The following NEK1 variants were observed in gnomAD, a reference collection of about 807,000 sequenced individuals.
NEK1 encodes the protein NIMA related kinase 1.
In NEK1, 137 loss-of-function variants were observed where a neutral mutation model predicts 182.1. The ratio of observed to expected loss-of-function variants is 0.75; its 90% CI spans 0.65 to 0.87. NEK1 has a LOEUF of 0.87. Among genes scored for constraint, NEK1 ranks in the 40% least tolerant of loss-of-function variants. The probability of loss-of-function intolerance (pLI) is 0.00; values close to 1 mark genes in which losing one functional copy is unlikely to be tolerated. For synonymous variants in NEK1, 513 were observed against 492.2 expected (o/e 1.04, Z -0.56); for missense variants, 1,391 against 1,494.4 (o/e 0.93, Z 1.14).
chr4:169,607,456 T>C (rs1424566580), intron 2 of NEK1, among the ~76,000 whole-genome samples: 1 of 152,164 alleles, frequency 6.6e-6, no homozygotes, highest in Non-Finnish European at 1.5e-5. Context: ...AATTAAAATT[T>C]TTTTTTAATT....
chr4:169,550,220 A>C (rs1338032676), intron 18 of NEK1, among the ~76,000 whole-genome samples: 1 of 149,106 alleles, frequency 6.7e-6, no homozygotes, highest in Non-Finnish European at 1.5e-5. Context: ...GTTCCCCTAC[A>C]CATGCTCTCT....
In NEK1 at chr4:169,594,215, G is replaced by A. The variant is rs74841281; in HGVS notation, c.313-3406C>T. On this transcript the variant is annotated intron_variant, in intron 5 of 35. Transcript: ENST00000507142. Reference sequence around the variant, plus strand: ...TATGTTATTTTGCATTAGTACAGACGGCCTTATAGCACCAAACAGTACCAC... The same window carrying A: ...TATGTTATTTTGCATTAGTACAGACAGCCTTATAGCACCAAACAGTACCAC... Among the ~76,000 whole-genome samples the A allele has an allele frequency of 1.6e-4, 25 of 152,098 alleles. No homozygotes were observed. The East Asian group carries it at 4.6e-3, about 28-fold the overall frequency.
intron 27 of NEK1, among the ~76,000 whole-genome samples, chr4:169,457,900 T>C (rs1366134097): frequency 2.0e-5 from 3 of 151,804 alleles, no homozygotes; most frequent in Admixed American, 1.3e-4. Flanking sequence ...ACTACAAAAC[T>C]GATGAAAAAA....
rs1476314608 is a variant in NEK1, at chr4:169,393,060, T to A, written c.*1450A>T. On this transcript the variant is annotated 3_prime_UTR_variant, in exon 36 of 36. Coordinates refer to ENST00000507142, the MANE Select transcript of NEK1 (RefSeq NM_001199397.3). Reference sequence around the variant, plus strand: ...TTTTTTCTACCATATTATACCCTTTTCTAATAGTTGTAATAGTTTAAGAAT... The same window carrying A: ...TTTTTTCTACCATATTATACCCTTTACTAATAGTTGTAATAGTTTAAGAAT... 1.3e-5 allele frequency: 2 copies of A among 152,194 alleles called. No individual in the cohort carries two copies. Among genetic ancestry groups the A allele is most frequent in the Non-Finnish European group, 1.5e-5 (1 of 68,030 alleles). 9.4% of individuals were successfully genotyped at this position (152,194 alleles called of 1,614,324 possible). A position where few individuals can be genotyped will look rare whatever the true frequency, so the allele number is the denominator to read the frequency against.
chr4:169,590,815 A>G lies in NEK1; in HGVS notation c.313-6T>C. The stretch of plus-strand genomic sequence containing the variant: ...TGTACAAACCAGTCCAAAATCTAGG[A>G]AGAAAAATCAGATCTGTCAAGCCTC... On this transcript the variant is annotated splice_region_variant and splice_polypyrimidine_tract_variant and intron_variant, in intron 5 of 35. Coordinates refer to ENST00000507142, the MANE Select transcript of NEK1 (RefSeq NM_001199397.3). 1 of 1,571,728 alleles carries G rather than the reference A, an allele frequency of 6.4e-7. No homozygotes were observed. Among genetic ancestry groups the G allele is most frequent in the East Asian group, 2.3e-5 (1 of 44,018 alleles).
rs76945793 is a variant in NEK1, at chr4:169,573,348, T to C, written c.1020+3580A>G. Among the ~76,000 whole-genome samples the C allele has an allele frequency of 3.7e-4, 57 of 152,240 alleles. No individual in the cohort carries two copies. In the East Asian group the frequency reaches 7.1e-3, roughly 19 times the overall value. ...AGGTAAAAAATAATCACCTAGGAAG[T>C]AGAAGAGTAAATACACTGAGGAAAT... On this transcript the variant is annotated intron_variant, in intron 12 of 35. Transcript: ENST00000507142.
intron 18 of NEK1, among the ~76,000 whole-genome samples, chr4:169,545,871 G>C (rs565096495): frequency 1.8e-4 from 27 of 152,188 alleles, no homozygotes; most frequent in African/African-American, 6.0e-4. Context: ...GTCTGTTCAT[G>C]TCCTTCGCCC....
At position 169,557,018 on chromosome 4, in the gene NEK1, C is replaced by T. The variant is rs893774652; in HGVS notation, c.1267-923G>A. Among the ~76,000 whole-genome samples the T allele has an allele frequency of 1.8e-4, 27 of 152,064 alleles. No individual in the cohort carries two copies. In the East Asian group the frequency reaches 1.9e-3, roughly 11 times the overall value. On this transcript the variant is annotated intron_variant, in intron 16 of 35. Coordinates refer to ENST00000507142, the MANE Select transcript of NEK1 (RefSeq NM_001199397.3). The stretch of plus-strand genomic sequence containing the variant: ...AAATGCTATCTGCCCTTGGTGTTTG[C>T]GTTCAAATAATAAATAACAATAGAA...
intron 24 of NEK1, among the ~76,000 whole-genome samples, chr4:169,478,717 T>C (rs1291924104): frequency 6.6e-6 from 1 of 151,980 alleles, no homozygotes; most frequent in African/African-American, 2.4e-5. Context: ...GAAAATGAAG[T>C]TATTATGTTA....
intron 18 of NEK1, among the ~76,000 whole-genome samples, chr4:169,542,288 T>C (rs988454584): frequency 2.0e-5 from 3 of 152,164 alleles, no homozygotes; most frequent in African/African-American, 4.8e-5. Flanking sequence ...TTGTGTTAGT[T>C]TGCTGAGAAT....
At chr4:169,522,003 G>A (rs183391658) in intron 19 of NEK1, among the ~76,000 whole-genome samples, 27 of 152,192 alleles carry the variant, frequency 1.8e-4, no homozygotes, top group African/African-American at 6.5e-4. Context: ...TTTAAGCTTT[G>A]AAGATACAAT....
rs545019409 is a variant in NEK1 at position 169,477,854 on chromosome 4, T to C, written c.2140-357A>G. ...GGAAAAAGTAGAAATTAGAGGAAAA[T>C]TCATATACTCTCTTAATTATAACTA... On this transcript the variant is annotated intron_variant, in intron 24 of 35. Transcript: ENST00000507142. 3.4e-4 allele frequency among the ~76,000 whole-genome samples: 51 copies of C among 151,898 alleles called. 2 individuals are homozygous for C. The highest frequency in any genetic ancestry group is 2.9e-5 in the Non-Finnish European group (2 of 67,908).
intron 10 of NEK1, among the ~76,000 whole-genome samples, chr4:169,583,460 T>C (rs2150063715): frequency 6.6e-6 from 1 of 152,344 alleles, no homozygotes; most frequent in Non-Finnish European, 1.5e-5. Flanking sequence ...TAGTAACAAG[T>C]AGGGTCTATG....
At chr4:169,410,467 T>G (rs1003221621) in intron 31 of NEK1, among the ~76,000 whole-genome samples, 7 of 152,188 alleles carry the variant, frequency 4.6e-5, no homozygotes, top group African/African-American at 1.7e-4. Context: ...TCATATAAAA[T>G]CAGGAAGTAG....
intron 34 of NEK1, 43 bp downstream of exon 34, chr4:169,400,478 A>G (rs767023363): frequency 1.7e-5 from 26 of 1,558,350 alleles, no homozygotes; most frequent in Non-Finnish European, 2.2e-5. Flanking sequence ...TTCAACCTTC[A>G]AACATAGCAC....
At chr4:169,537,473 A>G (rs969789169) in intron 19 of NEK1, among the ~76,000 whole-genome samples, 22 of 152,150 alleles carry the variant, frequency 1.4e-4, no homozygotes, top group Admixed American at 1.1e-3. Flanking sequence ...ATATTGGGGA[A>G]AAAAAACATG....
At chr4:169,508,459 CG>C in intron 20 of NEK1, 128 bp from the exon 21 acceptor site, 1 of 667,362 alleles carries the variant, frequency 1.5e-6, no homozygotes, top group East Asian at 3.3e-5. Context: ...TTCTGAAATC[CG>C]GTTAATGGAA....
chr4:169,480,554 A>G (rs978889408), intron 23 of NEK1, among the ~76,000 whole-genome samples: 4 of 150,194 alleles, frequency 2.7e-5, no homozygotes, highest in African/African-American at 4.9e-5. Flanking sequence ...CTGAGCCTTC[A>G]ATGAATTGTA....
chr4:169,476,957 A>G (rs941234534), intron 26 of NEK1, among the ~76,000 whole-genome samples, 167 bp downstream of exon 26: 5 of 152,006 alleles, frequency 3.3e-5, no homozygotes, highest in African/African-American at 9.7e-5. Context: ...TGCTCTTCAC[A>G]TTTCACTGTG....
Sources: gnomAD v4.1 joint callset for allele counts (sites outside exome capture counted in the v4.1 genomes callset) on GRCh38, gnomAD v4.1.1 for gene constraint, MANE v1.5 for transcripts, NCBI Gene and HGNC (gene_info 2026-07-23, HGNC 2026-07-21) for gene names.